The following CHN1 variants were observed in gnomAD, a reference collection of about 807,000 sequenced individuals.
CHN1 encodes the protein N-chimaerin.
CHN1 carries 37 observed loss-of-function variants against 59.5 expected under a neutral mutation model. That is an observed-to-expected ratio of 0.62 (90% CI 0.48 to 0.82). The LOEUF is 0.82. CHN1 is among the 40% of genes least tolerant of loss of function. The probability of loss-of-function intolerance (pLI) is 0.00; values close to 1 mark genes in which losing one functional copy is unlikely to be tolerated. For synonymous variants in CHN1, 206 were observed against 200.4 expected, an observed-to-expected ratio of 1.03 and a Z score of -0.24; for missense variants, 469 against 571.0, an observed-to-expected ratio of 0.82 and a Z score of 1.82.
At chr2:174,851,706 T>C (rs956879861) in intron 6 of CHN1, among the ~76,000 whole-genome samples, 1 of 152,072 alleles carries the variant, frequency 6.6e-6, no homozygotes, top group Non-Finnish European at 1.5e-5. Flanking sequence ...CTATCTGCAA[T>C]ATAGAGAGGA....
intron 3 of CHN1, among the ~76,000 whole-genome samples, chr2:174,928,849 C>T (rs942408135): frequency 1.3e-5 from 2 of 152,078 alleles, no homozygotes; most frequent in African/African-American, 4.8e-5. Context: ...TAGAAAATAT[C>T]AATATGGTAA....
chr2:174,804,737 T>C (rs529676677), intron 11 of CHN1, among the ~76,000 whole-genome samples: 157 of 152,300 alleles, frequency 1.0e-3, no homozygotes, highest in Non-Finnish European at 1.9e-3. Context: ...AGGCCTCTAT[T>C]AACTGAGATT....
chr2:174,823,444 A>T (rs1026609617), intron 8 of CHN1, among the ~76,000 whole-genome samples: 4 of 152,252 alleles, frequency 2.6e-5, no homozygotes, highest in Non-Finnish European at 5.9e-5. Context: ...CGGGTGGATC[A>T]CGAGGTCAGG....
At chr2:174,900,991 A>C (rs1318600908) in intron 5 of CHN1, among the ~76,000 whole-genome samples, 1 of 152,306 alleles carries the variant, frequency 6.6e-6, no homozygotes, top group African/African-American at 2.4e-5. Context: ...AAATATAATA[A>C]ATGGTTGCAT....
intron 3 of CHN1, among the ~76,000 whole-genome samples, chr2:174,920,797 G>A (rs771183417): frequency 1.3e-5 from 2 of 152,146 alleles, no homozygotes; most frequent in Non-Finnish European, 2.9e-5. Flanking sequence ...ATGGTTTCAG[G>A]ATGATTCAAG....
chr2:174,869,997 A>G (rs1430879024), intron 6 of CHN1, among the ~76,000 whole-genome samples: 1 of 152,194 alleles, frequency 6.6e-6, no homozygotes, highest in Non-Finnish European at 1.5e-5. Flanking sequence ...CTGTTAGTAA[A>G]TAAGTATAAG....
chr2:174,856,288 A>G (rs1217449611), intron 6 of CHN1, among the ~76,000 whole-genome samples: 1 of 152,152 alleles, frequency 6.6e-6, no homozygotes, highest in Non-Finnish European at 1.5e-5. Context: ...TCACATCATA[A>G]TTCCTAACTC....
At chr2:174,828,614 G>A (rs376414545) in intron 7 of CHN1, among the ~76,000 whole-genome samples, 4 of 152,114 alleles carry the variant, frequency 2.6e-5, no homozygotes, top group South Asian at 4.1e-4. Context: ...TTTACTAGAC[G>A]TTGTTGTATT....
rs530740877 is a variant in CHN1, at chr2:174,825,497, C to T, written c.628-979G>A. Reference sequence around the variant, plus strand: ...CTTTTCCTTAAAAAGAAAGGAATCCCCAAAGAAGAAAGGATTCAAATGTTA... The same window carrying T: ...CTTTTCCTTAAAAAGAAAGGAATCCTCAAAGAAGAAAGGATTCAAATGTTA... On this transcript the variant is annotated intron_variant, in intron 7 of 12. Transcript: ENST00000409900. Among the ~76,000 whole-genome samples, 3 of 152,046 alleles carry T rather than the reference C, an allele frequency of 2.0e-5. No individual in the cohort carries two copies. The South Asian group carries it at 6.2e-4, about 32-fold the overall frequency.
chr2:174,856,567 G>A (rs901165784), intron 6 of CHN1, among the ~76,000 whole-genome samples: 2 of 152,108 alleles, frequency 1.3e-5, no homozygotes, highest in Non-Finnish European at 2.9e-5. Context: ...ATAGAAATAT[G>A]AGAAATTCTC....
chr2:174,873,726 C>A (rs1687477251), intron 6 of CHN1, among the ~76,000 whole-genome samples: 1 of 152,158 alleles, frequency 6.6e-6, no homozygotes, highest in Non-Finnish European at 1.5e-5. Context: ...TTCAATACAA[C>A]ACACAGTCTG....
chr2:174,976,669 TAC>T (rs1384041541), intron 1 of CHN1, among the ~76,000 whole-genome samples: 1 of 152,220 alleles, frequency 6.6e-6, no homozygotes, highest in African/African-American at 2.4e-5. Context: ...CAAAACAGAA[TAC>T]CTTAAAGAAC....
intron 6 of CHN1, among the ~76,000 whole-genome samples, chr2:174,851,664 T>A (rs1214199678): frequency 6.6e-6 from 1 of 152,174 alleles, no homozygotes; most frequent in African/African-American, 2.4e-5. Flanking sequence ...ACGGGCAGAT[T>A]CCACAATCCT....
intron 5 of CHN1, among the ~76,000 whole-genome samples, chr2:174,907,966 T>C (rs2105363574): frequency 6.6e-6 from 1 of 152,350 alleles, no homozygotes; most frequent in South Asian, 2.1e-4. Flanking sequence ...TGTTCTCAAT[T>C]ACTAAAATTT....
chr2:174,813,013 G>A (rs866019895), intron 8 of CHN1, among the ~76,000 whole-genome samples: 1 of 152,114 alleles, frequency 6.6e-6, no homozygotes, highest in African/African-American at 2.4e-5. Flanking sequence ...GGAAATAGCT[G>A]TAACTATTAT....
intron 6 of CHN1, among the ~76,000 whole-genome samples, chr2:174,850,823 T>C (rs1455646288): frequency 6.6e-6 from 1 of 152,102 alleles, no homozygotes; most frequent in Non-Finnish European, 1.5e-5. Context: ...AGGAGAGAAG[T>C]GGAAAGTGGC....
At chr2:174,807,967 C>T (rs1323025395) in intron 11 of CHN1, among the ~76,000 whole-genome samples, 2 of 152,154 alleles carry the variant, frequency 1.3e-5, no homozygotes, top group Admixed American at 6.5e-5. Flanking sequence ...AATGCTAATA[C>T]TTAAAACCAA....
intron 6 of CHN1, chr2:174,847,749 AGTAAGTTTCTTGCTGGCTCAAGGC>A: frequency 2.0e-6 from 1 of 512,704 alleles, no homozygotes. Flanking sequence ...CTCTCATGTA[AGTAAGTTTCTTGCTGGCTCAAGGC>A]AAAAAAAAAA....
At chr2:174,973,479 A>C (rs1690823977) in intron 1 of CHN1, among the ~76,000 whole-genome samples, 1 of 152,230 alleles carries the variant, frequency 6.6e-6, no homozygotes, top group Admixed American at 6.5e-5. Flanking sequence ...CTAATGACTG[A>C]AAGTAAGTTC....
Sources: allele counts gnomAD v4.1 joint callset (sites outside exome capture counted in the v4.1 genomes callset), GRCh38; gene constraint gnomAD v4.1.1; transcripts MANE v1.5; gene names NCBI Gene and HGNC (gene_info 2026-07-23, HGNC 2026-07-21).